The following APBA2 variants were observed in gnomAD, a reference collection of about 807,000 sequenced individuals.
APBA2 encodes amyloid-beta A4 precursor protein-binding family A member 2.
A neutral mutation model predicts 75.0 loss-of-function variants in APBA2; 30 were observed. The observed-to-expected ratio is 0.40, with a 90% CI of 0.30 to 0.54. The LOEUF is 0.54. Among genes scored for constraint, APBA2 ranks in the 20% least tolerant of loss-of-function variants. The pLI, the probability that APBA2 is intolerant of heterozygous loss-of-function variation, is 0.49. For missense variants in APBA2, 801 were observed against 1,016.1 expected (o/e 0.79, Z 2.88); for synonymous variants, 444 against 409.6 (o/e 1.08, Z -1.01).
intron 1 of APBA2, among the ~76,000 whole-genome samples, chr15:28,900,740 A>G (rs992984743): frequency 3.9e-5 from 6 of 152,052 alleles, no homozygotes; most frequent in African/African-American, 1.2e-4. Flanking sequence ...GTCCTGTCCC[A>G]TCTGCAGCCT....
chr15:28,935,233 T>C (rs2034791628), intron 2 of APBA2, among the ~76,000 whole-genome samples: 1 of 152,298 alleles, frequency 6.6e-6, no homozygotes, highest in Admixed American at 6.5e-5. Context: ...CCCGGACCCT[T>C]GGGGCCCCTT....
intron 3 of APBA2, among the ~76,000 whole-genome samples, chr15:29,043,405 A>T (rs74007053): frequency 2.2e-4 from 33 of 152,334 alleles, no homozygotes; most frequent in African/African-American, 7.7e-4. Flanking sequence ...CACCGCAGAA[A>T]TGTCACCTGA....
At chr15:28,966,527 C>T (rs552135018) in intron 2 of APBA2, among the ~76,000 whole-genome samples, 24 of 152,240 alleles carry the variant, frequency 1.6e-4, no homozygotes, top group Non-Finnish European at 2.6e-4. Flanking sequence ...TTAGTGTTGG[C>T]ATGACATGTC....
chr15:28,939,111 T>A (rs1267195987), intron 2 of APBA2, among the ~76,000 whole-genome samples: 1 of 152,202 alleles, frequency 6.6e-6, no homozygotes, highest in Non-Finnish European at 1.5e-5. Flanking sequence ...TCGTGCAGTA[T>A]TTGTTCTTTT....
chr15:28,928,777 A>C (rs12161975), intron 2 of APBA2, among the ~76,000 whole-genome samples: 22,936 of 152,084 alleles, frequency 0.15, 2,203 homozygotes, highest in African/African-American at 0.27. Context: ...TTGGGTTTTC[A>C]TGGTGAGAAC....
At chr15:28,920,521 G>C (rs2152668794) in intron 1 of APBA2, among the ~76,000 whole-genome samples, 1 of 152,346 alleles carries the variant, frequency 6.6e-6, no homozygotes, top group African/African-American at 2.4e-5. Context: ...GTGGGGTTTG[G>C]CCTGGGTTTC....
At chr15:28,902,235 C>A (rs1459152046) in intron 1 of APBA2, among the ~76,000 whole-genome samples, 1 of 152,144 alleles carries the variant, frequency 6.6e-6, no homozygotes, top group African/African-American at 2.4e-5. Flanking sequence ...ATGTGGGTGG[C>A]ACATGCCCTG....
chr15:29,031,820 C>T lies in APBA2; in HGVS notation c.-40-22025C>T, dbSNP rs145371537. Among the ~76,000 whole-genome samples, 329 of 152,320 alleles carry T rather than the reference C, an allele frequency of 2.2e-3. 2 individuals carry two copies. The highest frequency in any genetic ancestry group is 7.7e-3 in the African/African-American group (319 of 41,572). ...CAGAGCGCTGATGCATTTTACAATC[C>T]TCTTGTAAGACAGAAAAGTTCTCCA... is the stretch of plus-strand genomic sequence containing the variant. On this transcript the variant is annotated intron_variant, in intron 3 of 14. Coordinates refer to ENST00000683413, the MANE Select transcript of APBA2 (RefSeq NM_001353788.2).
intron 1 of APBA2, among the ~76,000 whole-genome samples, chr15:28,916,794 G>A (rs1315295874): frequency 2.6e-5 from 4 of 152,154 alleles, no homozygotes; most frequent in South Asian, 4.1e-4. Flanking sequence ...GAACTCTGTC[G>A]TCATTTATTT....
chr15:28,974,981 A>G (rs1052759784), intron 2 of APBA2, among the ~76,000 whole-genome samples: 1 of 152,168 alleles, frequency 6.6e-6, no homozygotes, highest in African/African-American at 2.4e-5. Flanking sequence ...AAAAGAATCA[A>G]GTGGACAAAC....
intron 9 of APBA2, 46 bp from the exon 10 acceptor site, chr15:29,101,553 T>G (rs2044123705): frequency 1.3e-6 from 2 of 1,589,862 alleles, no homozygotes; most frequent in Non-Finnish European, 1.7e-6. Flanking sequence ...TTCAATGGAT[T>G]GTCCCAGTAG....
intron 3 of APBA2, among the ~76,000 whole-genome samples, chr15:29,031,251 G>A (rs1264874956): frequency 2.0e-5 from 3 of 152,160 alleles, no homozygotes; most frequent in Non-Finnish European, 4.4e-5. Flanking sequence ...AGTATAAAGA[G>A]CACTGCATTC....
intron 3 of APBA2, among the ~76,000 whole-genome samples, chr15:29,019,205 C>T (rs564334270): frequency 3.3e-5 from 5 of 152,326 alleles, no homozygotes; most frequent in Non-Finnish European, 5.9e-5. Context: ...CCTGCCTATG[C>T]GTGTCTCTCC....
chr15:29,076,608 T>C (rs1002269894), intron 6 of APBA2, among the ~76,000 whole-genome samples: 8 of 152,188 alleles, frequency 5.3e-5, no homozygotes, highest in African/African-American at 1.9e-4. Flanking sequence ...TTGACGGAGC[T>C]GAGCATCTGG....
chr15:28,908,380 G>T (rs1156273750), intron 1 of APBA2, among the ~76,000 whole-genome samples: 2 of 150,530 alleles, frequency 1.3e-5, no homozygotes, highest in Non-Finnish European at 2.9e-5. Flanking sequence ...GCGCAATCTC[G>T]GCTCACTGCA....
chr15:28,889,086 C>T (rs2152601419), intron 1 of APBA2, among the ~76,000 whole-genome samples: 1 of 152,214 alleles, frequency 6.6e-6, no homozygotes, highest in East Asian at 1.9e-4. Flanking sequence ...TTCTCTGGCT[C>T]CTTCGTTTCC....
At chr15:28,975,143 A>G (rs771572906) in intron 2 of APBA2, among the ~76,000 whole-genome samples, 1 of 152,198 alleles carries the variant, frequency 6.6e-6, no homozygotes, top group South Asian at 2.1e-4. Context: ...CCTGGATAGA[A>G]AGGGAACTTC....
At chr15:28,926,620 C>T (rs1169489153) in intron 2 of APBA2, among the ~76,000 whole-genome samples, 1 of 151,762 alleles carries the variant, frequency 6.6e-6, no homozygotes, top group African/African-American at 2.4e-5. Flanking sequence ...TTTTGAATAC[C>T]TCTTTTTTAT....
intron 2 of APBA2, among the ~76,000 whole-genome samples, chr15:28,949,547 C>T (rs1430345777): frequency 6.6e-6 from 1 of 152,338 alleles, no homozygotes; most frequent in Non-Finnish European, 1.5e-5. Flanking sequence ...CAGCTCACTG[C>T]AGCCTCTGCC....
Sources: gnomAD v4.1 joint callset for allele counts (sites outside exome capture counted in the v4.1 genomes callset) on GRCh38, gnomAD v4.1.1 for gene constraint, MANE v1.5 for transcripts, NCBI Gene and HGNC (gene_info 2026-07-23, HGNC 2026-07-21) for gene names.